LRRC40: variants seen among roughly 807,000 people sequenced by gnomAD.
LRRC40 encodes leucine rich repeat containing 40.
Under a neutral mutation model 72.8 loss-of-function variants are expected in LRRC40, and 76 were observed. The ratio of observed to expected loss-of-function variants is 1.04; its 90% CI spans 0.87 to 1.26. The LOEUF (loss-of-function observed/expected upper bound fraction) is 1.26. Among genes scored for constraint, LRRC40 ranks in the 50% most tolerant of loss-of-function variants. The pLI is 0.00. For missense variants in LRRC40, 684 were observed against 698.9 expected (o/e 0.98, Z 0.24); for synonymous variants, 243 against 254.2 (o/e 0.96, Z 0.42).
At chr1:70,193,312 C>A (rs981863554) in intron 1 of LRRC40, among the ~76,000 whole-genome samples, 2 of 151,510 alleles carry the variant, frequency 1.3e-5, no homozygotes, top group Non-Finnish European at 3.0e-5. Context: ...GTCATAGATC[C>A]CACAGATGTT....
intron 1 of LRRC40, among the ~76,000 whole-genome samples, chr1:70,198,061 C>T (rs1327917847): frequency 6.6e-6 from 1 of 152,098 alleles, no homozygotes; most frequent in African/African-American, 2.4e-5. Context: ...AGCACCTGAC[C>T]CCGTGTCACA....
At position 70,176,113 on chromosome 1, in the gene LRRC40, T is replaced by A. The variant is rs1160174521; in HGVS notation, c.805-131A>T. ...TAGAAAAAATGCAACTTTATAAATA[T>A]CAAGATGTTTAAATTTTCAATTATA... On this transcript the variant is annotated intron_variant, in intron 6 of 14. Coordinates refer to ENST00000370952, the MANE Select transcript of LRRC40 (RefSeq NM_017768.5). The A allele has an allele frequency of 8.6e-6, 4 of 466,116 alleles. No individual in the cohort carries two copies. The Admixed American group carries it at 1.7e-4, about 20-fold the overall frequency. The allele number at this position is 466,116 out of a possible 1,614,324, so 28.9% of individuals were successfully genotyped here.
Position 70,167,478 on chromosome 1 carries a change from T to C in LRRC40, c.1111+5987A>G, listed in dbSNP as rs569068448. On this transcript the variant is annotated intron_variant, in intron 9 of 14. Transcript: ENST00000370952. ...CTCAGGAGGCTGAGGCAGAATTCCTTGAACCTGGGAGGCGGAGGATGCAGT... is the reference window on the plus strand; with the variant it reads ...CTCAGGAGGCTGAGGCAGAATTCCTCGAACCTGGGAGGCGGAGGATGCAGT... 2.5e-3 allele frequency among the ~76,000 whole-genome samples: 374 copies of C among 152,036 alleles called. 1 individual carries two copies. The highest frequency in any genetic ancestry group is 8.4e-3 in the African/African-American group (349 of 41,540).
chr1:70,185,223 A>T (rs921149477), intron 3 of LRRC40, among the ~76,000 whole-genome samples: 1 of 152,214 alleles, frequency 6.6e-6, no homozygotes, highest in Non-Finnish European at 1.5e-5. Flanking sequence ...ATGTGATAGG[A>T]CATACTAGAC....
At chr1:70,192,342 G>A (rs565039744) in intron 1 of LRRC40, among the ~76,000 whole-genome samples, 321 of 151,898 alleles carry the variant, frequency 2.1e-3, no homozygotes, top group Non-Finnish European at 3.0e-3. Context: ...TTGCTGAAAA[G>A]GGAACCCTTA....
At chr1:70,176,149 C>A (rs1464719893) in intron 6 of LRRC40, among the ~76,000 whole-genome samples, 167 bp from the exon 7 acceptor site, 4 of 152,190 alleles carry the variant, frequency 2.6e-5, no homozygotes, top group Admixed American at 2.6e-4. Flanking sequence ...TTTAGGCTAT[C>A]TTTCAGCTAA....
rs750151072 is a variant in LRRC40, at chr1:70,148,632, G to T, written c.1558C>A (p.Leu520Ile). Reference protein sequence around the residue: ...LPEVLYRIFTLETILISNNQV... With the variant: ...LPEVLYRIFTIETILISNNQV... ...TTATTACTAATCAGAATTGTTTCAA[G>T]TGTGAAGATACGATATAGAACTTCA... Residue 520 changes from leucine to isoleucine, a missense_variant, in exon 14 of 15, where the codon CTT becomes ATT. Coordinates refer to ENST00000370952, the MANE Select transcript of LRRC40 (RefSeq NM_017768.5). 1.2e-5 allele frequency: 20 copies of T among 1,611,920 alleles called. No individual in the cohort carries two copies. The highest frequency in any genetic ancestry group is 1.7e-5 in the Admixed American group (1 of 59,976).
chr1:70,187,166 G>A (rs1056217955), intron 3 of LRRC40, 99 bp downstream of exon 3: 2 of 626,770 alleles, frequency 3.2e-6, no homozygotes, highest in Admixed American at 6.3e-5. Context: ...TACTTTCTGA[G>A]ATAATTCAAA....
intron 9 of LRRC40, among the ~76,000 whole-genome samples, chr1:70,164,378 G>A (rs11209593): frequency 0.025 from 3,736 of 151,910 alleles, 157 homozygotes; most frequent in African/African-American, 0.085. Context: ...CAACGAGAGC[G>A]AAACTCCATA....
At chr1:70,177,592 A>G (rs534100123) in intron 6 of LRRC40, among the ~76,000 whole-genome samples, 9 of 152,318 alleles carry the variant, frequency 5.9e-5, no homozygotes, top group African/African-American at 2.2e-4. Context: ...AAGTGCCACT[A>G]GTGATGCTGA....
chr1:70,188,593 G>A (rs559125370), intron 2 of LRRC40, among the ~76,000 whole-genome samples: 38 of 151,978 alleles, frequency 2.5e-4, no homozygotes, highest in Admixed American at 4.6e-4. Context: ...AAAAATAGCC[G>A]GGTGTGGTGG....
Position 70,148,539 on chromosome 1 carries a change from T to C in LRRC40, c.1651A>G (p.Asn551Asp). ...MENLTTLDLQ[N>D]NDLLQIPPEL... ...GGTGGAATTTGTAAGAGGTCATTAT[T>C]TTGAAGGTCCAACGTGGTCAGATTT... Residue 551 changes from asparagine to aspartate, a missense_variant, in exon 14 of 15, where the codon AAT becomes GAT. Physicochemically the swap from Asn to Asp is conservative, Grantham distance 23 (BLOSUM62 1). Transcript: ENST00000370952. 6.2e-7 allele frequency: 1 copy of C among 1,613,634 alleles called. No homozygotes were observed. Among genetic ancestry groups the C allele is most frequent in the Non-Finnish European group, 8.5e-7 (1 of 1,179,712 alleles).
chr1:70,177,088 C>T (rs1326666719), intron 6 of LRRC40, among the ~76,000 whole-genome samples: 1 of 152,084 alleles, frequency 6.6e-6, no homozygotes, highest in Non-Finnish European at 1.5e-5. Context: ...CCAGCCTGGC[C>T]AACATGGCGA....
At chr1:70,150,265 A>G (rs1038143233) in intron 13 of LRRC40, among the ~76,000 whole-genome samples, 4 of 152,174 alleles carry the variant, frequency 2.6e-5, no homozygotes, top group African/African-American at 9.7e-5. Context: ...CATTTTCATC[A>G]TAAGAAACAA....
rs1385798200 is a variant in LRRC40 at position 70,152,694 on chromosome 1, G to A, written c.1329-151C>T. On this transcript the variant is annotated intron_variant, in intron 11 of 14. Transcript: ENST00000370952. ...TACTTTTTCACAGGAACATTAATGA[G>A]TTTGGATATGTAACTAATAAAAATA... 5 of 602,936 alleles carry A rather than the reference G, an allele frequency of 8.3e-6. No homozygotes were observed. The South Asian group carries it at 8.9e-5, about 11-fold the overall frequency. The allele number at this position is 602,936 out of a possible 1,614,324, so 37.3% of individuals were successfully genotyped here.
intron 1 of LRRC40, among the ~76,000 whole-genome samples, chr1:70,200,684 CAT>C (rs1668717902): frequency 1.3e-5 from 2 of 152,040 alleles, no homozygotes; most frequent in South Asian, 4.1e-4. Context: ...CTGGAAGAAA[CAT>C]AGTAGATAAA....
intron 10 of LRRC40, among the ~76,000 whole-genome samples, chr1:70,158,007 G>A (rs145613320): frequency 6.6e-6 from 1 of 151,026 alleles, no homozygotes; most frequent in Non-Finnish European, 1.5e-5. Flanking sequence ...AGGCTGAGGT[G>A]GGGGAATCGC....
intron 9 of LRRC40, among the ~76,000 whole-genome samples, chr1:70,168,211 C>A (rs1667929232): frequency 6.6e-6 from 1 of 152,116 alleles, no homozygotes; most frequent in African/African-American, 2.4e-5. Flanking sequence ...ATGCTAAATC[C>A]CTGATGAGTA....
At chr1:70,180,112 A>G (rs1433116356) in intron 5 of LRRC40, 1 of 152,050 alleles carries the variant, frequency 6.6e-6, no homozygotes, top group East Asian at 1.9e-4. Context: ...CAGTTTTTTT[A>G]TTAATTTATT....
Sources: gnomAD v4.1 joint callset for allele counts (sites outside exome capture counted in the v4.1 genomes callset) on GRCh38, gnomAD v4.1.1 for gene constraint, MANE v1.5 for transcripts, NCBI Gene and HGNC (gene_info 2026-07-23, HGNC 2026-07-21) for gene names.